The following ATXN7L1 variants were observed in gnomAD, a reference collection of about 807,000 sequenced individuals.
The protein encoded by ATXN7L1 is ataxin 7 like 1.
A neutral mutation model predicts 70.8 loss-of-function variants in ATXN7L1; 15 were observed. The observed-to-expected ratio is 0.21, with a 90% confidence interval of 0.14 to 0.33. ATXN7L1 has a LOEUF of 0.33. Among genes scored for constraint, ATXN7L1 ranks in the 10% least tolerant of loss-of-function variants. The pLI, the probability that ATXN7L1 is intolerant of heterozygous loss-of-function variation, is 1.00. For missense variants in ATXN7L1, 975 were observed against 1,097.1 expected (o/e 0.89, Z 1.57); for synonymous variants, 440 against 445.1 (o/e 0.99, Z 0.14).
At chr7:105,784,579 A>G (rs1338342661) in intron 3 of ATXN7L1, among the ~76,000 whole-genome samples, 2 of 152,068 alleles carry the variant, frequency 1.3e-5, no homozygotes, top group Non-Finnish European at 2.9e-5. Context: ...GGCACAGGAG[A>G]ACAGAGTTTT....
intron 3 of ATXN7L1, among the ~76,000 whole-genome samples, chr7:105,713,665 T>G (rs933054579): frequency 6.6e-6 from 1 of 152,236 alleles, no homozygotes; most frequent in South Asian, 2.1e-4. Flanking sequence ...AGGTTAGGAC[T>G]CCGCAGGTTG....
intron 4 of ATXN7L1, among the ~76,000 whole-genome samples, chr7:105,645,892 A>T (rs539914267): frequency 5.6e-4 from 85 of 152,180 alleles, no homozygotes; most frequent in Non-Finnish European, 9.0e-4. Flanking sequence ...CTGTAATCCC[A>T]GCTACTCAGG....
In ATXN7L1 at chr7:105,665,403, C is replaced by G. The variant is rs553094299; in HGVS notation, c.356-115G>C. The G allele has an allele frequency of 1.9e-4, 152 of 784,658 alleles. 1 individual carries two copies. In the South Asian group the frequency reaches 2.5e-3, roughly 13 times the overall value. The allele number at this position is 784,658 out of a possible 1,614,324, so 48.6% of individuals were successfully genotyped here. Reference sequence around the variant, plus strand: ...GGAGAGAAGCGCTTTCCCTACAGCACTGGCATTCCTGAAGCCTAGGTTCTG... The same window carrying G: ...GGAGAGAAGCGCTTTCCCTACAGCAGTGGCATTCCTGAAGCCTAGGTTCTG... On this transcript the variant is annotated intron_variant, in intron 3 of 11. Transcript: ENST00000419735.
In ATXN7L1 at chr7:105,614,077, G is replaced by C. The variant is rs769368632; in HGVS notation, c.2257C>G (p.His753Asp). 1 of 1,551,632 alleles carries C rather than the reference G, an allele frequency of 6.4e-7. No homozygotes were observed. Among genetic ancestry groups the C allele is most frequent in the Non-Finnish European group, 8.7e-7 (1 of 1,147,008 alleles). The change falls in exon 10 of 12, where the codon CAC becomes GAC. Residue 753 changes from histidine to aspartate, a missense_variant. His to Asp is a moderately conservative substitution (Grantham distance 81). Coordinates refer to ENST00000419735, the MANE Select transcript of ATXN7L1 (RefSeq NM_020725.2). This position sits in a 1 kb window ranked among gnomAD's most constrained non-coding sequence, Gnocchi z 4.3. ...GAGGCCAGAGAGAGGTCCCCTGCGT[G>C]GAGCGCAAGGGAGGGCACAGAGAGG... ...CPLSVPSLAL[H>D]AGDLSLASHN...
chr7:105,757,358 A>G (rs2116401732), intron 3 of ATXN7L1, among the ~76,000 whole-genome samples: 1 of 152,306 alleles, frequency 6.6e-6, no homozygotes, highest in Non-Finnish European at 1.5e-5. Context: ...CAGGAGTTTT[A>G]AAACTCTGCT....
chr7:105,693,439 G>A (rs73192199), intron 3 of ATXN7L1, among the ~76,000 whole-genome samples: 9,213 of 152,206 alleles, frequency 0.061, 368 homozygotes, highest in Admixed American at 0.094. Flanking sequence ...CAGTCCTCCC[G>A]CTTGGGCCTC....
chr7:105,643,014 G>A lies in ATXN7L1; in HGVS notation c.686C>T (p.Ser229Phe). 6.4e-7 allele frequency: 1 copy of A among 1,551,810 alleles called. No homozygotes were observed. The highest frequency in any genetic ancestry group is 8.7e-7 in the Non-Finnish European group (1 of 1,147,012). Residue 229 changes from serine to phenylalanine, a missense_variant, in exon 5 of 12, where the codon TCC (serine) becomes TTC (phenylalanine). Physicochemically the swap from Ser to Phe is radical, Grantham distance 155 (BLOSUM62 -2). This residue lies in a region of ATXN7L1 where 192 missense variants were observed against 215.5 expected (regional missense o/e 0.89). Transcript: ENST00000419735. ...STTTTAVSAS[S>F]TSSSAVSTPP... The stretch of plus-strand genomic sequence containing the variant: ...GGTGGAGACGGCAGAGGACGAGGTG[G>A]AGGAGGCAGAAACTGCAGTAGTGGT...
chr7:105,773,849 G>A (rs1031203159), intron 3 of ATXN7L1, among the ~76,000 whole-genome samples: 26 of 152,310 alleles, frequency 1.7e-4, no homozygotes, highest in South Asian at 8.3e-4. Context: ...TACAAGTTGT[G>A]TAGACAAGTG....
At chr7:105,735,459 C>A (rs1213833925) in intron 3 of ATXN7L1, among the ~76,000 whole-genome samples, 1 of 152,100 alleles carries the variant, frequency 6.6e-6, no homozygotes, top group Non-Finnish European at 1.5e-5. Flanking sequence ...AGGGCTCTGG[C>A]GATAGGCATA....
intron 3 of ATXN7L1, chr7:105,788,388 T>G: frequency 1.4e-5 from 7 of 518,144 alleles, no homozygotes; most frequent in Admixed American, 3.1e-5. Flanking sequence ...AAGTTGCAGG[T>G]TTTCTCTCAT....
intron 2 of ATXN7L1, among the ~76,000 whole-genome samples, chr7:105,821,186 T>A (rs2392708): frequency 0.099 from 15,035 of 152,092 alleles, 934 homozygotes; most frequent in East Asian, 0.23. Flanking sequence ...ATTACAGGCA[T>A]GTGCCACCAC....
At chr7:105,843,170 G>A (rs1045621739) in intron 2 of ATXN7L1, among the ~76,000 whole-genome samples, 1 of 152,166 alleles carries the variant, frequency 6.6e-6, no homozygotes, top group Non-Finnish European at 1.5e-5. Context: ...TGTTCAGCAA[G>A]CAAATGGTGG....
At chr7:105,764,999 G>A (rs1348245269) in intron 3 of ATXN7L1, among the ~76,000 whole-genome samples, 2 of 152,064 alleles carry the variant, frequency 1.3e-5, no homozygotes, top group Admixed American at 1.3e-4. Context: ...ACTATTCAGT[G>A]TTACCATCTT....
intron 3 of ATXN7L1, among the ~76,000 whole-genome samples, chr7:105,728,123 C>A (rs1014718318): frequency 2.6e-5 from 4 of 151,872 alleles, no homozygotes; most frequent in African/African-American, 9.7e-5. Context: ...AAAGGTATTT[C>A]CTTAGATCTT....
intron 3 of ATXN7L1, among the ~76,000 whole-genome samples, chr7:105,731,054 C>G (rs558506215): frequency 1.1e-3 from 171 of 152,300 alleles, no homozygotes; most frequent in African/African-American, 4.0e-3. Flanking sequence ...CATGATGCCA[C>G]AGCTGAAAAA....
chr7:105,696,714 G>A (rs1396564426), intron 3 of ATXN7L1, among the ~76,000 whole-genome samples: 9 of 152,194 alleles, frequency 5.9e-5, no homozygotes, highest in Admixed American at 2.6e-4. Context: ...CCAGACAAAC[G>A]CTGTTTTGCT....
chr7:105,806,388 A>G (rs1230656646), intron 2 of ATXN7L1, among the ~76,000 whole-genome samples: 1 of 152,136 alleles, frequency 6.6e-6, no homozygotes, highest in Non-Finnish European at 1.5e-5. Flanking sequence ...CGTGGGTGTC[A>G]GCCTCCAAAA....
intron 3 of ATXN7L1, among the ~76,000 whole-genome samples, chr7:105,753,693 C>T (rs974143126): frequency 6.6e-6 from 1 of 152,222 alleles, no homozygotes; most frequent in African/African-American, 2.4e-5. Context: ...AATAAGTTTA[C>T]ATAGAAAGAA....
At chr7:105,853,109 T>G (rs1815123904) in intron 2 of ATXN7L1, among the ~76,000 whole-genome samples, 2 of 152,168 alleles carry the variant, frequency 1.3e-5, no homozygotes, top group South Asian at 4.1e-4. Flanking sequence ...GTTTAGAGTT[T>G]CTGTTTGGGA....
Sources: gnomAD v4.1 joint callset for allele counts (sites outside exome capture counted in the v4.1 genomes callset) on GRCh38, gnomAD v4.1.1 for gene constraint, gnomAD v4.1.1 regional missense constraint, Gnocchi (gnomAD v3.1) non-coding constraint, MANE v1.5 for transcripts, NCBI Gene and HGNC (gene_info 2026-07-23, HGNC 2026-07-21) for gene names.